MICU1: variants seen among roughly 807,000 people sequenced by gnomAD.
MICU1 encodes the protein mitochondrial calcium uptake 1.
A neutral mutation model predicts 56.8 loss-of-function variants in MICU1; 45 were observed. The ratio of observed to expected loss-of-function variants is 0.79; its 90% CI spans 0.62 to 1.02. The LOEUF is 1.02. MICU1 is among the 50% of genes least tolerant of loss of function. The pLI is 0.00. For synonymous variants in MICU1, 186 were observed against 195.1 expected (o/e 0.95, Z 0.39); for missense variants, 504 against 587.1 (o/e 0.86, Z 1.46).
At chr10:72,480,691 A>G (rs1486518439) in intron 6 of MICU1, among the ~76,000 whole-genome samples, 1 of 152,270 alleles carries the variant, frequency 6.6e-6, no homozygotes, top group Non-Finnish European at 1.5e-5. Flanking sequence ...GCTCCCATAC[A>G]TGAATTAAAG....
Position 72,454,782 on chromosome 10 carries a change from CAAA to C in MICU1, c.933+20315_933+20317del, listed in dbSNP as rs10591892. Among the ~76,000 whole-genome samples, 330 of 119,054 alleles carry C rather than the reference CAAA, an allele frequency of 2.8e-3. 1 individual carries two copies. Among genetic ancestry groups the C allele is most frequent in the African/African-American group, 8.4e-3 (273 of 32,644 alleles). The allele number at this position is 119,054 out of a possible 152,430, so 78.1% of individuals were successfully genotyped here. ...TGGGTGACAGAGCGAAACTCCATCT[CAAA>C]AAAAAAAAAAAAACAAAAAACAAAA... On this transcript the variant is annotated intron_variant, in intron 8 of 11. Coordinates refer to ENST00000361114, the MANE Select transcript of MICU1 (RefSeq NM_001195518.2).
chr10:72,623,056 G>A (rs1842140717), intron 1 of MICU1, among the ~76,000 whole-genome samples: 1 of 151,778 alleles, frequency 6.6e-6, no homozygotes, highest in South Asian at 2.1e-4. Flanking sequence ...ATCACTTGAG[G>A]TCAGGGGTTC....
intron 6 of MICU1, among the ~76,000 whole-genome samples, chr10:72,490,914 C>T (rs1404193557): frequency 1.3e-5 from 2 of 152,282 alleles, no homozygotes; most frequent in African/African-American, 4.8e-5. Context: ...AATTTGTCTT[C>T]GTCCAGATCT....
chr10:72,438,810 T>A (rs942444466), intron 8 of MICU1, among the ~76,000 whole-genome samples: 2 of 152,088 alleles, frequency 1.3e-5, no homozygotes, highest in African/African-American at 4.8e-5. Context: ...AAGAAATGGA[T>A]AAATTCCTGG....
chr10:72,488,314 G>T (rs549284386), intron 6 of MICU1, among the ~76,000 whole-genome samples: 18 of 151,672 alleles, frequency 1.2e-4, no homozygotes, highest in Admixed American at 5.2e-4. Context: ...ATATGGAAAA[G>T]AATATTTTTT....
intron 10 of MICU1, among the ~76,000 whole-genome samples, chr10:72,394,702 T>C (rs1863188581): frequency 6.6e-6 from 1 of 150,932 alleles, no homozygotes; most frequent in African/African-American, 2.4e-5. Context: ...ACTATTACAA[T>C]ACCAACCACT....
rs140167670 is a variant in MICU1 at position 72,551,144 on chromosome 10, A to C, written c.493+35T>G. On this transcript the variant is annotated intron_variant, in intron 4 of 11. Transcript: ENST00000361114. Reference sequence around the variant, plus strand: ...GACAAAGTAGCCTATAACAAAATAAATATCACAGTCTTATATTTCACTTTA... The same window carrying C: ...GACAAAGTAGCCTATAACAAAATAACTATCACAGTCTTATATTTCACTTTA... 528 of 1,558,000 alleles carry C rather than the reference A, an allele frequency of 3.4e-4. 2 individuals are homozygous for C. In the African/African-American group the frequency reaches 5.7e-3, roughly 17 times the overall value.
chr10:72,453,579 G>A (rs967193450), intron 8 of MICU1, among the ~76,000 whole-genome samples: 57 of 152,150 alleles, frequency 3.7e-4, no homozygotes, highest in African/African-American at 1.4e-3. Context: ...GCCCAGGCTG[G>A]AGTGCAGTGG....
In MICU1 at chr10:72,570,808, C is replaced by T. The variant is rs567882869; in HGVS notation, c.-1-4014G>A. Among the ~76,000 whole-genome samples the T allele has an allele frequency of 6.8e-4, 103 of 152,240 alleles. No individual in the cohort carries two copies. In the Middle Eastern group the frequency reaches 0.024, roughly 35 times the overall value. Reference sequence around the variant, plus strand: ...TCTCATTTTATTGCACATACTCTAGCAAAATCCAGCACCCAGGAGGCTGTC... The same window carrying T: ...TCTCATTTTATTGCACATACTCTAGTAAAATCCAGCACCCAGGAGGCTGTC... On this transcript the variant is annotated intron_variant, in intron 1 of 11. Coordinates refer to ENST00000361114, the MANE Select transcript of MICU1 (RefSeq NM_001195518.2).
chr10:72,480,312 TA>T (rs1866252177), intron 6 of MICU1, among the ~76,000 whole-genome samples: 1 of 152,340 alleles, frequency 6.6e-6, no homozygotes, highest in Admixed American at 6.5e-5. Flanking sequence ...CAAATAGATG[TA>T]AAATGTTTGA....
intron 10 of MICU1, among the ~76,000 whole-genome samples, chr10:72,377,817 C>T (rs756245870): frequency 6.6e-5 from 10 of 152,178 alleles, no homozygotes; most frequent in African/African-American, 1.2e-4. Context: ...CCTTGTTTAT[C>T]GCATTCCTAT....
At chr10:72,441,074 C>A (rs1238447259) in intron 8 of MICU1, among the ~76,000 whole-genome samples, 1 of 152,160 alleles carries the variant, frequency 6.6e-6, no homozygotes, top group Non-Finnish European at 1.5e-5. Flanking sequence ...GATTATAAAT[C>A]ATGCTACTAT....
chr10:72,371,263 T>TG (rs996574646), intron 11 of MICU1, among the ~76,000 whole-genome samples: 2 of 151,282 alleles, frequency 1.3e-5, no homozygotes, highest in Non-Finnish European at 2.9e-5. Flanking sequence ...GGCGGGTGCC[T>TG]GTAGTCCCAG....
intron 1 of MICU1, among the ~76,000 whole-genome samples, chr10:72,584,006 G>A (rs1840976820): frequency 1.3e-5 from 2 of 152,172 alleles, no homozygotes. Context: ...GTTAATTTAA[G>A]TTACACAAGT....
intron 8 of MICU1, among the ~76,000 whole-genome samples, chr10:72,464,501 C>T (rs548800070): frequency 6.6e-6 from 1 of 152,126 alleles, no homozygotes; most frequent in South Asian, 2.1e-4. Context: ...TCTAAAAATA[C>T]TGTACTAGTA....
intron 10 of MICU1, among the ~76,000 whole-genome samples, chr10:72,377,978 G>C (rs1862579574): frequency 6.6e-6 from 1 of 152,172 alleles, no homozygotes; most frequent in African/African-American, 2.4e-5. Context: ...GGCCAGGCGT[G>C]GTGGCTTACA....
At chr10:72,596,746 A>G (rs1289068270) in intron 1 of MICU1, among the ~76,000 whole-genome samples, 1 of 151,524 alleles carries the variant, frequency 6.6e-6, no homozygotes, top group Non-Finnish European at 1.5e-5. Context: ...GGTGGTGGGC[A>G]CCTGTAATCC....
intron 5 of MICU1, chr10:72,532,909 A>G (rs1839526734): frequency 8.4e-7 from 1 of 1,190,038 alleles, no homozygotes; most frequent in African/African-American, 1.6e-5. Flanking sequence ...CTTTTATGTA[A>G]TAATGCAGGA....
intron 6 of MICU1, among the ~76,000 whole-genome samples, chr10:72,507,392 C>T (rs1449653080): frequency 1.3e-5 from 2 of 152,118 alleles, no homozygotes; most frequent in African/African-American, 4.8e-5. Context: ...TCAGAAACTC[C>T]TCAATGCTCT....
Sources: allele counts gnomAD v4.1 joint callset (sites outside exome capture counted in the v4.1 genomes callset), GRCh38; gene constraint gnomAD v4.1.1; transcripts MANE v1.5; gene names NCBI Gene and HGNC (gene_info 2026-07-23, HGNC 2026-07-21).